CLEC4G: variants seen among roughly 807,000 people sequenced by gnomAD.
The protein encoded by CLEC4G is C-type lectin domain family 4 member G.
A neutral mutation model predicts 37.0 loss-of-function variants in CLEC4G; 34 were observed. That is an observed-to-expected ratio of 0.92 (90% CI 0.70 to 1.22). The LOEUF (loss-of-function observed/expected upper bound fraction) is 1.22, where lower values mean the gene tolerates loss of function less well. Ranked by LOEUF, CLEC4G falls within the 50% of genes most tolerant of loss-of-function variation. The pLI is 0.00. For missense variants in CLEC4G, 390 were observed against 392.9 expected, an observed-to-expected ratio of 0.99 and a Z score of 0.06; for synonymous variants, 167 against 165.6, an observed-to-expected ratio of 1.01 and a Z score of -0.06.
At chr19:7,731,240 G>A (rs780072665) in intron 3 of CLEC4G, 26 bp downstream of exon 3, 3 of 1,581,818 alleles carry the variant, frequency 1.9e-6, no homozygotes, top group South Asian at 2.3e-5. Context: ...CGCCCCGGGG[G>A]CCCAGGCGCC....
In CLEC4G at chr19:7,730,997, C is replaced by G; in HGVS notation, c.283+29G>C. 6.3e-7 allele frequency: 1 copy of G among 1,586,632 alleles called. No individual in the cohort carries two copies. The highest frequency in any genetic ancestry group is 1.1e-5 in the South Asian group (1 of 89,300). On this transcript the variant is annotated intron_variant, in intron 4 of 8. Coordinates refer to ENST00000328853, the MANE Select transcript of CLEC4G (RefSeq NM_198492.4). The surrounding 1 kb of genome is among the most constrained non-coding windows in gnomAD (Gnocchi z 7.3). ...TCGCGGCCGCAAGACCCCATCCCTG[C>G]GCCCACAGCCTCGACCGCGCCCCCT...
Position 7,731,324 on chromosome 19 carries a change from G to A in CLEC4G, c.167-5C>T, listed in dbSNP as rs762742054. Reference sequence around the variant, plus strand: ...GCGCCGCGCGCTCCGTGGAGGCTGAGGAGAGAGGCTCCTGCAGGCGAGGCC... The same window carrying A: ...GCGCCGCGCGCTCCGTGGAGGCTGAAGAGAGAGGCTCCTGCAGGCGAGGCC... On this transcript the variant is annotated splice_region_variant and splice_polypyrimidine_tract_variant and intron_variant, in intron 2 of 8. Coordinates refer to ENST00000328853, the MANE Select transcript of CLEC4G (RefSeq NM_198492.4). 2 of 1,570,140 alleles carry A rather than the reference G, an allele frequency of 1.3e-6. No individual in the cohort carries two copies. Among genetic ancestry groups the A allele is most frequent in the South Asian group, 2.3e-5 (2 of 86,212 alleles).
Position 7,729,114 on chromosome 19 carries a change from G to T in CLEC4G, c.*252C>A. On this transcript the variant is annotated 3_prime_UTR_variant, in exon 9 of 9. Transcript: ENST00000328853. ...GGAGGCATATCACGGGGACGCAGGAGCAGGGATTTTGGAGCTAGTGGAGGT... is the reference window on the plus strand; with the variant it reads ...GGAGGCATATCACGGGGACGCAGGATCAGGGATTTTGGAGCTAGTGGAGGT... 5 of 632,960 alleles carry T rather than the reference G, an allele frequency of 7.9e-6. No individual in the cohort carries two copies. The highest frequency in any genetic ancestry group is 2.1e-5 in the Admixed American group (1 of 47,626). 39.2% of individuals were successfully genotyped at this position (632,960 alleles called of 1,614,324 possible). A position where few individuals can be genotyped will look rare whatever the true frequency, so the allele number is the denominator to read the frequency against.
chr19:7,731,656 C>G lies in CLEC4G; in HGVS notation c.166+5G>C, dbSNP rs199797011. ...TGCAACACCTCCCCATTGAGAGTCA[C>G]TCACCCTTGGACAATAGGATACTCA... On this transcript the variant is annotated splice_donor_5th_base_variant and intron_variant, in intron 2 of 8. Coordinates refer to ENST00000328853, the MANE Select transcript of CLEC4G (RefSeq NM_198492.4). 235 of 1,613,482 alleles carry G rather than the reference C, an allele frequency of 1.5e-4. No homozygotes were observed. The highest frequency in any genetic ancestry group is 1.8e-4 in the Non-Finnish European group (211 of 1,179,720).
Position 7,730,825 on chromosome 19 carries a change from G to T in CLEC4G, c.318C>A (p.Arg106=). Residue 106 remains arginine, a synonymous_variant, in exon 5 of 9, where the codon CGC becomes CGA. Coordinates refer to ENST00000328853, the MANE Select transcript of CLEC4G (RefSeq NM_198492.4). The surrounding 1 kb of genome is among the most constrained non-coding windows in gnomAD (Gnocchi z 7.3). The part of the protein sequence containing the change: ...SGTQAQLQTT[R]AELGEAQAKL... ...TCGCCTGCGCCTCCCCAAGCTCCGC[G>T]CGCGTGGTCTGCAGCTGCGCCTGCG... is the stretch of plus-strand genomic sequence containing the variant. The T allele has an allele frequency of 6.5e-7, 1 of 1,532,314 alleles. No individual in the cohort carries two copies. Among genetic ancestry groups the T allele is most frequent in the Admixed American group, 2.0e-5 (1 of 50,896 alleles). 94.9% of individuals were successfully genotyped at this position (1,532,314 alleles called of 1,614,324 possible). A position where few individuals can be genotyped will look rare whatever the true frequency, so the allele number is the denominator to read the frequency against.
rs939721848 is a variant in CLEC4G, at chr19:7,730,638, T to G, written c.388+117A>C. The G allele has an allele frequency of 6.2e-6, 9 of 1,448,414 alleles. No individual in the cohort carries two copies. Among genetic ancestry groups the G allele is most frequent in the Non-Finnish European group, 8.2e-6 (9 of 1,102,916 alleles). 89.7% of individuals were successfully genotyped at this position (1,448,414 alleles called of 1,614,324 possible). ...CTAGGAGTGGCAGTCAAGGTCAGAG[T>G]GCAGCGTCAGGGTCAGGACGGGGTG... On this transcript the variant is annotated intron_variant, in intron 5 of 8. Coordinates refer to ENST00000328853, the MANE Select transcript of CLEC4G (RefSeq NM_198492.4). The surrounding 1 kb of genome is among the most constrained non-coding windows in gnomAD (Gnocchi z 7.3).
chr19:7,730,029 A>T lies in CLEC4G; in HGVS notation c.617T>A (p.Leu206Gln). ...CCTCCCCCTGCGCACCTGCTCATCC[A>T]GGCCCCCAACGATCACCAGGTGCGC... The part of the protein sequence containing the change: ...ASAHLVIVGG[L>Q]DEQGFLTRNT... Residue 206 changes from leucine to glutamine, a missense_variant, in exon 7 of 9, where the codon CTG becomes CAG. Physicochemically the swap from Leu to Gln is moderately radical, Grantham distance 113. Coordinates refer to ENST00000328853, the MANE Select transcript of CLEC4G (RefSeq NM_198492.4). This position sits in a 1 kb window ranked among gnomAD's most constrained non-coding sequence, Gnocchi z 7.3. 1.3e-6 allele frequency: 2 copies of T among 1,599,016 alleles called. No homozygotes were observed. The highest frequency in any genetic ancestry group is 1.7e-6 in the Non-Finnish European group (2 of 1,174,696).
intron 1 of CLEC4G, 24 bp from the exon 2 acceptor site, chr19:7,731,795 TG>T: frequency 6.2e-7 from 1 of 1,605,802 alleles, no homozygotes; most frequent in Admixed American, 1.7e-5. Flanking sequence ...GACGGCATGC[TG>T]GGTCCCCCAG....
At position 7,731,742 on chromosome 19, in the gene CLEC4G, T is replaced by G. The variant is rs750654989; in HGVS notation, c.85A>C (p.Arg29=). 16 of 1,613,934 alleles carry G rather than the reference T, an allele frequency of 9.9e-6. No homozygotes were observed. The highest frequency in any genetic ancestry group is 1.4e-5 in the Non-Finnish European group (16 of 1,180,004). Residue 29 remains arginine (R), a synonymous_variant, in exon 2 of 9, where the codon AGG becomes CGG. Transcript: ENST00000328853. ...GCCAGGGCCAAGAAGAGGGGTCTCC[T>G]GCTCCAGTGCACCCAGCGTCCCCAG... ...GPWGRWVHWS[R]RPLFLALAVL...
rs572674844 is a variant in CLEC4G, at chr19:7,730,526, G to C, written c.389-86C>G. 9.7e-5 allele frequency: 149 copies of C among 1,536,046 alleles called. No homozygotes were observed. The African/African-American group carries it at 1.8e-3, about 19-fold the overall frequency. On this transcript the variant is annotated intron_variant, in intron 5 of 8. Transcript: ENST00000328853. The surrounding 1 kb of genome is among the most constrained non-coding windows in gnomAD (Gnocchi z 7.3). ...TAGCTAAAGGTCAGGACCCCTGTCTGTGGTCATTGTACCCTCGGTGCCAGC... is the reference window on the plus strand; with the variant it reads ...TAGCTAAAGGTCAGGACCCCTGTCTCTGGTCATTGTACCCTCGGTGCCAGC...
At chr19:7,731,124 G>T in intron 3 of CLEC4G, 36 bp from the exon 4 acceptor site, 1 of 1,603,306 alleles carries the variant, frequency 6.2e-7, no homozygotes, top group Non-Finnish European at 8.5e-7. Flanking sequence ...CATGCCCCTC[G>T]GGTCACTTGG....
In CLEC4G at chr19:7,731,075, C is replaced by T. The variant is rs755021458; in HGVS notation, c.234G>A (p.Thr78=). 1.2e-6 allele frequency: 2 copies of T among 1,606,128 alleles called. No homozygotes were observed. The highest frequency in any genetic ancestry group is 1.3e-5 in the African/African-American group (1 of 74,988). Residue 78 remains threonine (T), a synonymous_variant, in exon 4 of 9, where the codon ACG becomes ACA. Transcript: ENST00000328853. ...DLLRTNASKQ[T]AALGALKEEV... ...CCTCCTTCAGGGCACCCAGCGCCGC[C>T]GTCTGCTTCGAGGCTGGAACGACCC...
Position 7,730,232 on chromosome 19 carries a change from T to C in CLEC4G, c.479-65A>G. ...GGGGCAACGCACCGAGAGGATGCAG[T>C]GGGTAGGGGTTCGGCCCCGCGGGCT... On this transcript the variant is annotated intron_variant, in intron 6 of 8. Coordinates refer to ENST00000328853, the MANE Select transcript of CLEC4G (RefSeq NM_198492.4). The surrounding 1 kb of genome is among the most constrained non-coding windows in gnomAD (Gnocchi z 7.3). 10 of 1,584,290 alleles carry C rather than the reference T, an allele frequency of 6.3e-6. No individual in the cohort carries two copies. Among genetic ancestry groups the C allele is most frequent in the South Asian group, 1.1e-5 (1 of 89,036 alleles).
Position 7,730,696 on chromosome 19 carries a change from G to C in CLEC4G, c.388+59C>G. The C allele has an allele frequency of 4.7e-6, 7 of 1,497,984 alleles. No homozygotes were observed. Among genetic ancestry groups the C allele is most frequent in the Non-Finnish European group, 6.2e-6 (7 of 1,127,820 alleles). The allele number at this position is 1,497,984 out of a possible 1,614,324, so 92.8% of individuals were successfully genotyped here. ...GGGGTCGGGGGTCAGCACTCAGGAC[G>C]GGGTCGGGGTCGGGGGACGCGGCCA... On this transcript the variant is annotated intron_variant, in intron 5 of 8. Coordinates refer to ENST00000328853, the MANE Select transcript of CLEC4G (RefSeq NM_198492.4). This position sits in a 1 kb window ranked among gnomAD's most constrained non-coding sequence, Gnocchi z 7.3.
At position 7,729,294 on chromosome 19, in the gene CLEC4G, G is replaced by T. The variant is rs774163110; in HGVS notation, c.*72C>A. ...AAAACTCTTTGGCAATCAGCTCCAG[G>T]AGCCAGGGAGGTGAGCAGCCCCCAG... On this transcript the variant is annotated 3_prime_UTR_variant, in exon 9 of 9. Coordinates refer to ENST00000328853, the MANE Select transcript of CLEC4G (RefSeq NM_198492.4). The T allele has an allele frequency of 3.0e-6, 3 of 996,936 alleles. No individual in the cohort carries two copies. The South Asian group carries it at 3.8e-5, about 13-fold the overall frequency. The allele number at this position is 996,936 out of a possible 1,614,324, so 61.8% of individuals were successfully genotyped here.
In CLEC4G at chr19:7,730,338, C is replaced by T; in HGVS notation, c.478+13G>A. The T allele has an allele frequency of 6.3e-7, 1 of 1,596,668 alleles. No homozygotes were observed. The highest frequency in any genetic ancestry group is 8.5e-7 in the Non-Finnish European group (1 of 1,175,810). ...GCCCTCACAGCCCGCCCCCGACCCC[C>T]CGTCTCGCTCACTGTTCTGGAGCCT... On this transcript the variant is annotated intron_variant, in intron 6 of 8. Transcript: ENST00000328853. This position sits in a 1 kb window ranked among gnomAD's most constrained non-coding sequence, Gnocchi z 7.3.
In CLEC4G at chr19:7,730,927, G is replaced by A. The variant is rs6603117; in HGVS notation, c.284-68C>T. 0.85 allele frequency: 1,245,560 copies of A among 1,465,420 alleles called. 534,603 individuals carry two copies. The highest frequency in any genetic ancestry group is 0.88 in the Non-Finnish European group (980,769 of 1,111,766). The allele number at this position is 1,465,420 out of a possible 1,614,324, so 90.8% of individuals were successfully genotyped here. ...GGCGGGACTTCGGAGACCAGCCCCCGCCCCGCACCACCCGCCGCAGGCCTC... is the reference window on the plus strand; with the variant it reads ...GGCGGGACTTCGGAGACCAGCCCCCACCCCGCACCACCCGCCGCAGGCCTC... On this transcript the variant is annotated intron_variant, in intron 4 of 8. Transcript: ENST00000328853. The surrounding 1 kb of genome is among the most constrained non-coding windows in gnomAD (Gnocchi z 7.3).
chr19:7,729,846 C>A lies in CLEC4G; in HGVS notation c.718G>T (p.Val240Leu). ...CTGAAGCTGAGAGAGACTCCGTCCACCCACTGGTAGCCCTGAACCTTGCCC... is the reference window on the plus strand; with the variant it reads ...CTGAAGCTGAGAGAGACTCCGTCCAACCACTGGTAGCCCTGAACCTTGCCC... Reference protein sequence around the residue: ...HLGKVQGYQWVDGVSLSFSHW... With the variant: ...HLGKVQGYQWLDGVSLSFSHW... Residue 240 changes from valine to leucine, a missense_variant, in exon 8 of 9, where the codon GTG (valine) becomes TTG (leucine). Coordinates refer to ENST00000328853, the MANE Select transcript of CLEC4G (RefSeq NM_198492.4). The A allele has an allele frequency of 6.2e-7, 1 of 1,614,206 alleles. No individual in the cohort carries two copies. The highest frequency in any genetic ancestry group is 8.5e-7 in the Non-Finnish European group (1 of 1,180,030).
Position 7,730,265 on chromosome 19 carries a change from G to A in CLEC4G, c.478+86C>T. The A allele has an allele frequency of 6.4e-7, 1 of 1,573,048 alleles. No homozygotes were observed. The highest frequency in any genetic ancestry group is 1.8e-5 in the Admixed American group (1 of 56,006). Reference sequence around the variant, plus strand: ...GGTTCGGCCCCGCGGGCTCAGGGGTGGAGACACAGAACCAGGCCAAGGTCC... The same window carrying A: ...GGTTCGGCCCCGCGGGCTCAGGGGTAGAGACACAGAACCAGGCCAAGGTCC... On this transcript the variant is annotated intron_variant, in intron 6 of 8. Transcript: ENST00000328853. This position sits in a 1 kb window ranked among gnomAD's most constrained non-coding sequence, Gnocchi z 7.3.
Sources: gnomAD v4.1 joint callset for allele counts on GRCh38, gnomAD v4.1.1 for gene constraint, Gnocchi (gnomAD v3.1) non-coding constraint, MANE v1.5 for transcripts, NCBI Gene and HGNC (gene_info 2026-07-23, HGNC 2026-07-21) for gene names.